The following SGMS1 variants were observed in gnomAD, a reference collection of about 807,000 sequenced individuals.
SGMS1 encodes the protein sphingomyelin synthase 1.
SGMS1 carries 13 observed loss-of-function variants against 46.2 expected under a neutral mutation model. That is an observed-to-expected ratio of 0.28 (90% confidence interval 0.18 to 0.45). SGMS1 has a LOEUF of 0.45. Ranked by LOEUF, SGMS1 falls within the 20% of genes least tolerant of loss-of-function variation. The pLI is 1.00. For missense variants in SGMS1, 324 were observed against 519.9 expected (o/e 0.62, Z 3.66); for synonymous variants, 203 against 187.8 (o/e 1.08, Z -0.66).
upstream of SGMS1, chr10:50,624,763 G>A: frequency 1.0e-6 from 1 of 985,462 alleles, no homozygotes; most frequent in Non-Finnish European, 1.2e-6. Context: ...AGTTAGGATG[G>A]ACAGCGGGGA....
chr10:50,623,126 G>A (rs925942947), intron 1 of SGMS1, among the ~76,000 whole-genome samples: 1 of 148,392 alleles, frequency 6.7e-6, no homozygotes, highest in African/African-American at 2.6e-5. Flanking sequence ...TCCTCGGGGA[G>A]GGGGGGTCCC....
intron 2 of SGMS1, among the ~76,000 whole-genome samples, chr10:50,536,115 C>T (rs996078712): frequency 1.3e-5 from 2 of 152,104 alleles, no homozygotes; most frequent in African/African-American, 2.4e-5. Context: ...CGAAAGATCT[C>T]TTGAGCCCAG....
At position 50,480,625 on chromosome 10, in the gene SGMS1, C is replaced by T. The variant is rs184133263; in HGVS notation, c.-497-13693G>A. Among the ~76,000 whole-genome samples, 3 of 151,992 alleles carry T rather than the reference C, an allele frequency of 2.0e-5. No individual in the cohort carries two copies. In the East Asian group the frequency reaches 5.9e-4, roughly 30 times the overall value. Reference sequence around the variant, plus strand: ...ACCATGCTCTTTCCATAGATCTGTGCAACCGTGGATCTGGAGATACCCTCG... The same window carrying T: ...ACCATGCTCTTTCCATAGATCTGTGTAACCGTGGATCTGGAGATACCCTCG... On this transcript the variant is annotated intron_variant, in intron 3 of 10. Coordinates refer to ENST00000361781, the MANE Select transcript of SGMS1 (RefSeq NM_147156.4).
intron 6 of SGMS1, among the ~76,000 whole-genome samples, chr10:50,385,228 C>T (rs1264727021): frequency 1.3e-5 from 2 of 152,208 alleles, no homozygotes; most frequent in East Asian, 3.8e-4. Flanking sequence ...ACTGGTAACA[C>T]TAACTTTGAT....
At chr10:50,445,970 C>T (rs140414973) in intron 5 of SGMS1, among the ~76,000 whole-genome samples, 2,704 of 152,158 alleles carry the variant, frequency 0.018, 51 homozygotes, top group African/African-American at 0.048. Context: ...CTGTCTTTTA[C>T]GATTGTAGAT....
chr10:50,344,685 C>G (rs1033656267), intron 6 of SGMS1, among the ~76,000 whole-genome samples: 5 of 151,858 alleles, frequency 3.3e-5, no homozygotes, highest in African/African-American at 1.2e-4. Flanking sequence ...CTGGCTAACA[C>G]GGTGAAACCC....
At chr10:50,329,646 G>T (rs910499411) in intron 7 of SGMS1, among the ~76,000 whole-genome samples, 1 of 152,126 alleles carries the variant, frequency 6.6e-6, no homozygotes, top group African/African-American at 2.4e-5. Context: ...TCACTTAAAG[G>T]TTTAAAAGTT....
intron 4 of SGMS1, among the ~76,000 whole-genome samples, chr10:50,463,227 C>T (rs1210461545): frequency 6.6e-6 from 1 of 151,978 alleles, no homozygotes; most frequent in Non-Finnish European, 1.5e-5. Context: ...AGTAATCAAC[C>T]AAGTGAAAGG....
intron 6 of SGMS1, among the ~76,000 whole-genome samples, chr10:50,429,249 C>T (rs542910108): frequency 7.2e-5 from 11 of 152,186 alleles, no homozygotes; most frequent in African/African-American, 1.9e-4. Context: ...GCAGTGGTTC[C>T]GTAAGATTAT....
intron 6 of SGMS1, among the ~76,000 whole-genome samples, chr10:50,385,480 G>C (rs1381806797): frequency 6.6e-6 from 1 of 152,130 alleles, no homozygotes; most frequent in Non-Finnish European, 1.5e-5. Flanking sequence ...TACCTGAAAA[G>C]TTACAAAGTT....
At chr10:50,569,173 G>A (rs1031187248) in intron 2 of SGMS1, among the ~76,000 whole-genome samples, 8 of 151,714 alleles carry the variant, frequency 5.3e-5, no homozygotes, top group Admixed American at 4.6e-4. Context: ...CCTAGGGGAG[G>A]GATAGCATTA....
chr10:50,450,327 G>C (rs543444083), intron 5 of SGMS1, among the ~76,000 whole-genome samples: 1 of 152,244 alleles, frequency 6.6e-6, no homozygotes, highest in East Asian at 1.9e-4. Context: ...TTCACCCCTG[G>C]TTAGCCATCC....
rs930182155 is a variant in SGMS1, at chr10:50,623,611, C to T, written c.-684+96G>A. On this transcript the variant is annotated intron_variant, in intron 1 of 10. Coordinates refer to ENST00000361781, the MANE Select transcript of SGMS1 (RefSeq NM_147156.4). ...CCCCCTCGCCCCAGAGCAGCCCGCC[C>T]GCTGCTCCCCGGCATAAGGCCGGGC... 7 of 985,260 alleles carry T rather than the reference C, an allele frequency of 7.1e-6. No individual in the cohort carries two copies. In the Admixed American group the frequency reaches 3.7e-4, roughly 52 times the overall value. The allele number at this position is 985,260 out of a possible 1,614,324, so 61.0% of individuals were successfully genotyped here.
chr10:50,405,042 A>AT (rs962911872), intron 6 of SGMS1, among the ~76,000 whole-genome samples: 24 of 151,626 alleles, frequency 1.6e-4, no homozygotes, highest in African/African-American at 4.6e-4. Flanking sequence ...CAAAATATGT[A>AT]TTTTTTTTTC....
At chr10:50,407,766 A>G (rs2133559546) in intron 6 of SGMS1, among the ~76,000 whole-genome samples, 1 of 152,026 alleles carries the variant, frequency 6.6e-6, no homozygotes, top group East Asian at 1.9e-4. Context: ...CAAAGTTTAA[A>G]CCTGAGGAAA....
chr10:50,331,990 C>T (rs1847630733), intron 7 of SGMS1, among the ~76,000 whole-genome samples: 1 of 152,208 alleles, frequency 6.6e-6, no homozygotes, highest in Non-Finnish European at 1.5e-5. Context: ...CCTGAACAGA[C>T]TAAGGTAGCT....
Position 50,308,724 on chromosome 10 carries a change from T to C in SGMS1, c.896-576A>G, listed in dbSNP as rs555770292. ...CAAAGGTCGAATGGTGTCAGATAAA[T>C]ACTTGTCTGTATCCCCATTTGGGAA... On this transcript the variant is annotated intron_variant, in intron 9 of 10. Transcript: ENST00000361781. Among the ~76,000 whole-genome samples the C allele has an allele frequency of 5.9e-5, 9 of 152,288 alleles. 1 individual carries two copies. The South Asian group carries it at 1.5e-3, about 25-fold the overall frequency.
intron 3 of SGMS1, among the ~76,000 whole-genome samples, chr10:50,483,523 A>T (rs1201877247): frequency 6.6e-6 from 1 of 152,214 alleles, no homozygotes; most frequent in African/African-American, 2.4e-5. Context: ...ACTTGAACTC[A>T]GCTCTGAATC....
chr10:50,511,163 G>C (rs1452472941), intron 3 of SGMS1, among the ~76,000 whole-genome samples: 1 of 151,902 alleles, frequency 6.6e-6, no homozygotes, highest in African/African-American at 2.4e-5. Context: ...AGTAGAGGCA[G>C]AGTGGATAAA....
Sources: allele counts gnomAD v4.1 joint callset (sites outside exome capture counted in the v4.1 genomes callset), GRCh38; gene constraint gnomAD v4.1.1; transcripts MANE v1.5; gene names NCBI Gene and HGNC (gene_info 2026-07-23, HGNC 2026-07-21).